PARN: variants seen among roughly 807,000 people sequenced by gnomAD.
PARN encodes poly(A)-specific ribonuclease, also known as poly(A)-specific ribonuclease PARN.
In PARN, 71 loss-of-function variants were observed where a neutral mutation model predicts 102.8. That is an observed-to-expected ratio of 0.69 (90% CI 0.57 to 0.84). The LOEUF (loss-of-function observed/expected upper bound fraction) is 0.84. PARN is among the 40% of genes least tolerant of loss of function. PARN has a pLI of 0.00. For missense variants in PARN, 782 were observed against 760.9 expected (o/e 1.03, Z -0.33); for synonymous variants, 261 against 252.9 (o/e 1.03, Z -0.30).
At chr16:14,495,562 G>GT (rs1964274020) in intron 21 of PARN, among the ~76,000 whole-genome samples, 1 of 152,250 alleles carries the variant, frequency 6.6e-6, no homozygotes, top group Admixed American at 6.5e-5. Flanking sequence ...AGGGTCTTCA[G>GT]TAAGAACAGG....
chr16:14,627,262 A>AACCTACTT lies in PARN; in HGVS notation c.244_245+6dup, dbSNP rs1481415822. 6.3e-7 allele frequency: 1 copy of AACCTACTT among 1,591,970 alleles called. No homozygotes were observed. The highest frequency in any genetic ancestry group is 8.6e-7 in the Non-Finnish European group (1 of 1,167,552). Reference sequence around the variant, plus strand: ...CGGAATTCCCAACGTTTGTTAACACAACCTACTTTGAATCTGTGTAGTCAT... The same window carrying AACCTACTT: ...CGGAATTCCCAACGTTTGTTAACACAACCTACTTACCTACTTTGAATCTGTGTAGTCAT... On this transcript the variant is annotated splice_region_variant and intron_variant, in intron 4 of 23. Coordinates refer to ENST00000437198, the MANE Select transcript of PARN (RefSeq NM_002582.4).
At chr16:14,570,318 T>C (rs1416092111) in intron 18 of PARN, among the ~76,000 whole-genome samples, 7 of 69,186 alleles carry the variant, frequency 1.0e-4, no homozygotes, top group Non-Finnish European at 1.8e-4. Context: ...CGAGACTCTG[T>C]CTCAAAAAAA....
At chr16:14,615,945 A>G (rs896227856) in intron 6 of PARN, among the ~76,000 whole-genome samples, 5 of 151,818 alleles carry the variant, frequency 3.3e-5, no homozygotes, top group Non-Finnish European at 5.9e-5. Flanking sequence ...GGTACTAAAC[A>G]CCTTGCAAAG....
At chr16:14,467,271 G>C (rs1360710217) in intron 22 of PARN, among the ~76,000 whole-genome samples, 2 of 152,212 alleles carry the variant, frequency 1.3e-5, no homozygotes, top group South Asian at 2.1e-4. Flanking sequence ...GAAGAAATGG[G>C]GGGCCCACCT....
intron 22 of PARN, among the ~76,000 whole-genome samples, chr16:14,448,799 A>G (rs959583014): frequency 9.9e-5 from 15 of 152,188 alleles, no homozygotes; most frequent in African/African-American, 3.6e-4. Context: ...TCTTCCTCCT[A>G]TGACTGGCTG....
chr16:14,584,033 A>C (rs1304702879), intron 16 of PARN, among the ~76,000 whole-genome samples: 1 of 152,198 alleles, frequency 6.6e-6, no homozygotes, highest in Non-Finnish European at 1.5e-5. Flanking sequence ...CTGCTTCAAT[A>C]ATGTATGAAA....
chr16:14,617,668 G>A lies in PARN; in HGVS notation c.328-18C>T. 1 of 1,516,400 alleles carries A rather than the reference G, an allele frequency of 6.6e-7. No individual in the cohort carries two copies. Among genetic ancestry groups the A allele is most frequent in the East Asian group, 2.3e-5 (1 of 44,436 alleles). 93.9% of individuals were successfully genotyped at this position (1,516,400 alleles called of 1,614,324 possible). On this transcript the variant is annotated intron_variant, in intron 5 of 23. Coordinates refer to ENST00000437198, the MANE Select transcript of PARN (RefSeq NM_002582.4). ...CTGGAGCTCTGAAACAGAGTAAACAGAACACATGTTTTGGGGATGTTAGCG... is the reference window on the plus strand; with the variant it reads ...CTGGAGCTCTGAAACAGAGTAAACAAAACACATGTTTTGGGGATGTTAGCG...
chr16:14,462,905 C>A (rs758522522), intron 22 of PARN, among the ~76,000 whole-genome samples: 13 of 152,156 alleles, frequency 8.5e-5, no homozygotes, highest in Non-Finnish European at 1.6e-4. Context: ...CACAGTGATC[C>A]CTGAGAGACA....
intron 21 of PARN, among the ~76,000 whole-genome samples, chr16:14,545,055 G>C (rs1202418626): frequency 6.6e-6 from 1 of 152,132 alleles, no homozygotes; most frequent in Non-Finnish European, 1.5e-5. Context: ...AGGCATCCTA[G>C]CGTGTGTCTG....
intron 22 of PARN, among the ~76,000 whole-genome samples, chr16:14,466,018 G>C (rs1392335730): frequency 6.6e-6 from 1 of 152,126 alleles, no homozygotes; most frequent in African/African-American, 2.4e-5. Flanking sequence ...GGTGGGAGGA[G>C]GATCAGAAAA....
At chr16:14,621,416 G>A (rs1263014872) in intron 5 of PARN, among the ~76,000 whole-genome samples, 1 of 152,180 alleles carries the variant, frequency 6.6e-6, no homozygotes, top group Non-Finnish European at 1.5e-5. Flanking sequence ...TCTTTGGGTT[G>A]TACAATAGTG....
chr16:14,579,360 A>C (rs1969361417), intron 18 of PARN, among the ~76,000 whole-genome samples: 1 of 152,182 alleles, frequency 6.6e-6, no homozygotes, highest in Non-Finnish European at 1.5e-5. Context: ...CATCTAACCC[A>C]GTTTGCATCC....
chr16:14,619,923 A>G (rs1972187398), intron 5 of PARN, among the ~76,000 whole-genome samples: 1 of 150,970 alleles, frequency 6.6e-6, no homozygotes, highest in South Asian at 2.1e-4. Context: ...TACAAAAATT[A>G]GCCAGGCGTG....
At chr16:14,561,157 C>CAAAAAAAAAAAA (rs749716960) in intron 18 of PARN, among the ~76,000 whole-genome samples, 2 of 57,186 alleles carry the variant, frequency 3.5e-5, no homozygotes, top group Non-Finnish European at 3.6e-5. Context: ...AACTCCGTCT[C>CAAAAAAAAAAAA]AAAAAAAAAA....
At chr16:14,456,959 T>C (rs1261882605) in intron 22 of PARN, among the ~76,000 whole-genome samples, 1 of 152,306 alleles carries the variant, frequency 6.6e-6, no homozygotes, top group South Asian at 2.1e-4. Context: ...TCTCTGTCAC[T>C]AGAATGTACG....
chr16:14,496,481 T>C (rs1010769655), intron 21 of PARN, among the ~76,000 whole-genome samples: 8 of 152,142 alleles, frequency 5.3e-5, no homozygotes, highest in African/African-American at 1.9e-4. Flanking sequence ...CAACTTAAAA[T>C]AGACTTGGGA....
At chr16:14,521,475 C>T (rs1422625276) in intron 21 of PARN, among the ~76,000 whole-genome samples, 4 of 152,214 alleles carry the variant, frequency 2.6e-5, no homozygotes, top group African/African-American at 9.6e-5. Context: ...CACAGGAACG[C>T]TTTTGCTTTC....
At chr16:14,613,451 C>G (rs1161862866) in intron 6 of PARN, among the ~76,000 whole-genome samples, 2 of 152,076 alleles carry the variant, frequency 1.3e-5, no homozygotes, top group African/African-American at 2.4e-5. Flanking sequence ...GTAAAACCCT[C>G]TCTCTACCAA....
chr16:14,558,654 G>A (rs1289909924), intron 18 of PARN, among the ~76,000 whole-genome samples: 1 of 152,146 alleles, frequency 6.6e-6, no homozygotes, highest in Non-Finnish European at 1.5e-5. Flanking sequence ...GTAAATTATA[G>A]TTCAAAATTT....
Sources: allele counts gnomAD v4.1 joint callset (sites outside exome capture counted in the v4.1 genomes callset), GRCh38; gene constraint gnomAD v4.1.1; transcripts MANE v1.5; gene names NCBI Gene and HGNC (gene_info 2026-07-23, HGNC 2026-07-21).